The following YEATS2 variants were observed in gnomAD, a reference collection of about 807,000 sequenced individuals.
YEATS2 encodes the protein YEATS domain-containing protein 2.
YEATS2 carries 77 observed loss-of-function variants against 163.2 expected under a neutral mutation model. The ratio of observed to expected loss-of-function variants is 0.47; its 90% confidence interval spans 0.39 to 0.57. The LOEUF (loss-of-function observed/expected upper bound fraction) is 0.57, where lower values mean the gene tolerates loss of function less well. Among genes scored for constraint, YEATS2 ranks in the 20% least tolerant of loss-of-function variants. YEATS2 has a pLI of 0.00. For missense variants in YEATS2, 1,549 were observed against 1,729.8 expected (o/e 0.90, Z 1.85); for synonymous variants, 631 against 645.1 (o/e 0.98, Z 0.33).
At chr3:183,771,718 ATTTTTTTTTTTTTTT>A (rs10592078) in intron 15 of YEATS2, among the ~76,000 whole-genome samples, 1 of 100,222 alleles carries the variant, frequency 1.0e-5, no homozygotes, top group African/African-American at 4.5e-5. Context: ...GTACTGGCTA[ATTTTTTTTTTTTTTT>A]TTTTTTTTTT....
intron 27 of YEATS2, 151 bp from the exon 28 acceptor site, chr3:183,806,715 A>G: frequency 1.4e-6 from 1 of 726,692 alleles, no homozygotes; most frequent in South Asian, 1.9e-5. Context: ...ACTAGTTCTC[A>G]TCATTATAGA....
intron 21 of YEATS2, among the ~76,000 whole-genome samples, chr3:183,794,763 G>A (rs1724978640): frequency 1.3e-5 from 2 of 152,158 alleles, no homozygotes. Flanking sequence ...TCTGTATAGG[G>A]AAGAAAGGGT....
At chr3:183,708,828 T>C (rs1443243957) in intron 1 of YEATS2, among the ~76,000 whole-genome samples, 1 of 152,122 alleles carries the variant, frequency 6.6e-6, no homozygotes, top group Non-Finnish European at 1.5e-5. Flanking sequence ...TGTGCCACTG[T>C]ACTCCAGTCT....
chr3:183,773,492 C>A, intron 16 of YEATS2, 141 bp from the exon 17 acceptor site: 1 of 790,134 alleles, frequency 1.3e-6, no homozygotes, highest in Non-Finnish European at 2.0e-6. Flanking sequence ...GTCTTTAAAG[C>A]ATTGTGCATC....
intron 8 of YEATS2, among the ~76,000 whole-genome samples, chr3:183,746,049 GT>G (rs1468993542): frequency 1.3e-5 from 2 of 152,174 alleles, no homozygotes; most frequent in East Asian, 1.9e-4. Context: ...GCCCAGGCTG[GT>G]TTTTTTGTTT....
intron 25 of YEATS2, 79 bp from the exon 26 acceptor site, chr3:183,803,177 C>T: frequency 6.8e-7 from 1 of 1,476,200 alleles, no homozygotes; most frequent in African/African-American, 1.4e-5. Flanking sequence ...GAAGAAGTGA[C>T]TGGCTTGCCT....
At position 183,773,669 on chromosome 3, in the gene YEATS2, C is replaced by T. The variant is rs377608870; in HGVS notation, c.2243C>T (p.Ala748Val). ...ATLQLPATNL[A>V]NLANLPPGTK... Reference sequence around the variant, plus strand: ...TTGCAGCTACCAGCCACTAATTTGGCCAACTTGGCAAATTTGCCTCCTGGC... The same window carrying T: ...TTGCAGCTACCAGCCACTAATTTGGTCAACTTGGCAAATTTGCCTCCTGGC... The change falls in exon 17 of 31, where the codon GCC becomes GTC. Residue 748 changes from alanine to valine, a missense_variant. Coordinates refer to ENST00000305135, the MANE Select transcript of YEATS2 (RefSeq NM_018023.5). The T allele has an allele frequency of 1.1e-5, 18 of 1,610,926 alleles. No homozygotes were observed. Among genetic ancestry groups the T allele is most frequent in the African/African-American group, 2.7e-5 (2 of 74,730 alleles).
intron 1 of YEATS2, among the ~76,000 whole-genome samples, chr3:183,702,830 T>C (rs1221684522): frequency 7.0e-6 from 1 of 142,634 alleles, no homozygotes; most frequent in African/African-American, 2.6e-5. Context: ...AGACTCTCTC[T>C]CTCAAAAAAA....
chr3:183,712,663 C>T (rs1422048813), intron 1 of YEATS2, among the ~76,000 whole-genome samples: 2 of 152,124 alleles, frequency 1.3e-5, no homozygotes, highest in Non-Finnish European at 2.9e-5. Context: ...CACCCTGGAC[C>T]TGTTTCCTTA....
intron 19 of YEATS2, among the ~76,000 whole-genome samples, chr3:183,778,726 A>G (rs528532131): frequency 5.1e-4 from 78 of 152,284 alleles, no homozygotes; most frequent in African/African-American, 1.9e-3. Context: ...GTATCAGGAT[A>G]ATACTGGCCT....
chr3:183,736,694 G>C, intron 7 of YEATS2, 24 bp from the exon 8 acceptor site: 1 of 1,586,354 alleles, frequency 6.3e-7, no homozygotes, highest in East Asian at 2.2e-5. Flanking sequence ...ATGGATGAAC[G>C]TGTTAATATC....
intron 19 of YEATS2, among the ~76,000 whole-genome samples, chr3:183,785,016 T>G (rs1252386387): frequency 6.6e-6 from 1 of 151,376 alleles, no homozygotes; most frequent in African/African-American, 2.4e-5. Context: ...GAGGTTGCAG[T>G]GAGCCAAGAT....
rs199904072 is a variant in YEATS2 at position 183,756,622 on chromosome 3, T to G, written c.1485T>G (p.Ile495Met). Residue 495 changes from isoleucine to methionine, a missense_variant, in exon 12 of 31, where the codon ATT (isoleucine) becomes ATG (methionine). Coordinates refer to ENST00000305135, the MANE Select transcript of YEATS2 (RefSeq NM_018023.5). The stretch of plus-strand genomic sequence containing the variant: ...AGCAAGGCACTGCCGGCTCTGTTAT[T>G]AATAATCCTTATGTTATCATGGACA... ...HVKQGTAGSV[I>M]NNPYVIMDKQ... 1,661 of 1,605,846 alleles carry G rather than the reference T, an allele frequency of 1.0e-3. 2 individuals carry two copies. Among genetic ancestry groups the G allele is most frequent in the Admixed American group, 1.4e-3 (83 of 58,856 alleles).
chr3:183,803,505 C>G, intron 26 of YEATS2, 170 bp downstream of exon 26: 4 of 664,162 alleles, frequency 6.0e-6, no homozygotes, highest in Non-Finnish European at 1.0e-5. Flanking sequence ...TCAGGCGTGC[C>G]TTCTTTTCCT....
At chr3:183,760,307 T>G (rs1335433944) in intron 13 of YEATS2, among the ~76,000 whole-genome samples, 2 of 144,022 alleles carry the variant, frequency 1.4e-5, no homozygotes, top group African/African-American at 2.6e-5. Context: ...AAAGAGAAAC[T>G]ACAGAATTTT....
chr3:183,793,094 A>C (rs528213360), intron 21 of YEATS2: 60 of 1,252,178 alleles, frequency 4.8e-5, no homozygotes, highest in Middle Eastern at 4.3e-4. Flanking sequence ...AAGTTTCTAA[A>C]TACTGTATTA....
intron 15 of YEATS2, among the ~76,000 whole-genome samples, chr3:183,766,096 C>T (rs114329953): frequency 1.0e-3 from 156 of 152,232 alleles, no homozygotes; most frequent in African/African-American, 3.6e-3. Context: ...AAAGGGACAA[C>T]TGAGGAATAA....
intron 15 of YEATS2, among the ~76,000 whole-genome samples, chr3:183,767,666 C>G (rs540529346): frequency 6.2e-4 from 95 of 152,156 alleles, no homozygotes; most frequent in African/African-American, 2.2e-3. Flanking sequence ...CAGGTGTGAG[C>G]CATTGTGCCC....
At chr3:183,793,053 A>G in intron 21 of YEATS2, 2 of 1,032,188 alleles carry the variant, frequency 1.9e-6, no homozygotes, top group Non-Finnish European at 1.3e-6. Flanking sequence ...GTAAAATATA[A>G]TAAAAATGTC....
Sources: gnomAD v4.1 joint callset for allele counts (sites outside exome capture counted in the v4.1 genomes callset) on GRCh38, gnomAD v4.1.1 for gene constraint, MANE v1.5 for transcripts, NCBI Gene and HGNC (gene_info 2026-07-23, HGNC 2026-07-21) for gene names.